The following PDE1C variants were observed in gnomAD, a reference collection of about 807,000 sequenced individuals.
PDE1C encodes the protein dual specificity calcium/calmodulin-dependent 3',5'-cyclic nucleotide phosphodiesterase 1C.
In PDE1C, 62 loss-of-function variants were observed where a neutral mutation model predicts 93.1. The ratio of observed to expected loss-of-function variants is 0.67; its 90% CI spans 0.54 to 0.82. PDE1C has a LOEUF of 0.82. Among genes scored for constraint, PDE1C ranks in the 40% least tolerant of loss-of-function variants. The pLI is 0.00. For synonymous variants in PDE1C, 325 were observed against 310.1 expected, an observed-to-expected ratio of 1.05 and a Z score of -0.50; for missense variants, 742 against 884.6, an observed-to-expected ratio of 0.84 and a Z score of 2.04.
At chr7:31,702,234 T>C in the PDE1C span, among the ~76,000 whole-genome samples, 2 of 151,636 alleles carry the variant, frequency 1.3e-5, no homozygotes, top group African/African-American at 2.4e-5. Context: ...TACCAATAGA[T>C]TGTTGTTCCC....
chr7:32,345,237 T>G (rs189604608), intron 1 of PDE1C, among the ~76,000 whole-genome samples: 1 of 152,196 alleles, frequency 6.6e-6, no homozygotes, highest in Admixed American at 6.5e-5. Context: ...GCAATGCCCA[T>G]GAGCCCCTTC....
intron 2 of PDE1C, among the ~76,000 whole-genome samples, chr7:32,181,616 A>G (rs1031754465): frequency 6.6e-6 from 1 of 152,150 alleles, no homozygotes; most frequent in African/African-American, 2.4e-5. Flanking sequence ...ACAAAGACAC[A>G]ACATACCAGA....
chr7:31,722,657 G>C, the PDE1C span, among the ~76,000 whole-genome samples: 1 of 152,192 alleles, frequency 6.6e-6, no homozygotes, highest in African/African-American at 2.4e-5. Context: ...GAGCTGACCA[G>C]GTGAAGAAGC....
At position 31,997,289 on chromosome 7, in the gene PDE1C, A is replaced by T. The variant is rs545497774; in HGVS notation, c.128+54265T>A. 4.9e-4 allele frequency among the ~76,000 whole-genome samples: 75 copies of T among 152,278 alleles called. 2 individuals carry two copies. The highest frequency in any genetic ancestry group is 4.8e-3 in the Admixed American group (74 of 15,292). ...ATGGTACACACCTCTCAAGGTTATCATGAGGATTAAATGAGATGGCACAGG... is the reference window on the plus strand; with the variant it reads ...ATGGTACACACCTCTCAAGGTTATCTTGAGGATTAAATGAGATGGCACAGG... On this transcript the variant is annotated intron_variant, in intron 2 of 17. Coordinates refer to ENST00000396191, the MANE Select transcript of PDE1C (RefSeq NM_001191057.4).
chr7:32,265,915 C>G (rs1810537741), intron 1 of PDE1C, among the ~76,000 whole-genome samples: 1 of 145,520 alleles, frequency 6.9e-6, no homozygotes, highest in African/African-American at 2.4e-5. Context: ...GAAGACCTCC[C>G]CTACAAGGTG....
At chr7:32,369,522 C>T (rs1020845819) in intron 1 of PDE1C, among the ~76,000 whole-genome samples, 1 of 152,102 alleles carries the variant, frequency 6.6e-6, no homozygotes, top group African/African-American at 2.4e-5. Flanking sequence ...AAAGGGAACT[C>T]TTATATACTG....
intron 1 of PDE1C, among the ~76,000 whole-genome samples, chr7:32,289,184 C>G (rs568794520): frequency 6.6e-6 from 1 of 152,268 alleles, no homozygotes; most frequent in East Asian, 1.9e-4. Context: ...GCAGAAGGAT[C>G]GCTTGAGCCC....
intron 1 of PDE1C, among the ~76,000 whole-genome samples, chr7:32,340,793 T>C (rs1783732686): frequency 6.6e-6 from 1 of 151,888 alleles, no homozygotes. Context: ...GAAAAGAAAA[T>C]ACAATGGAGA....
chr7:31,932,483 A>G (rs1804451818), intron 2 of PDE1C, among the ~76,000 whole-genome samples: 2 of 152,238 alleles, frequency 1.3e-5, no homozygotes, highest in African/African-American at 4.8e-5. Flanking sequence ...ATCAGTGGTC[A>G]TTAGAGAAAT....
At chr7:32,057,740 G>A (rs1298900280) in intron 1 of PDE1C, among the ~76,000 whole-genome samples, 1 of 152,188 alleles carries the variant, frequency 6.6e-6, no homozygotes, top group Non-Finnish European at 1.5e-5. Context: ...CAACAGTGAG[G>A]TGGGAGCAAG....
chr7:31,680,388 G>T, the PDE1C span, among the ~76,000 whole-genome samples: 1 of 152,198 alleles, frequency 6.6e-6, no homozygotes, highest in Admixed American at 6.5e-5. Flanking sequence ...ACTGGGGAAG[G>T]CATCAAGCCT....
chr7:31,721,867 C>A, the PDE1C span, among the ~76,000 whole-genome samples: 1 of 152,186 alleles, frequency 6.6e-6, no homozygotes, highest in Non-Finnish European at 1.5e-5. Flanking sequence ...GAATATCTAC[C>A]CTGTACCAGG....
At chr7:32,185,671 T>G (rs4723127) in intron 2 of PDE1C, among the ~76,000 whole-genome samples, 56,152 of 152,098 alleles carry the variant, frequency 0.37, 11,262 homozygotes, top group Admixed American at 0.43. Context: ...CATATTAATA[T>G]TTTTGAGTAT....
rs1342204777 is a variant in PDE1C, at chr7:32,128,405, AC to A, written c.308+41379del. On this transcript the variant is annotated intron_variant, in intron 3 of 18. Transcript: ENST00000396193. ...ACAACATAAAATTAAAAGTAAAAAAACATACAATGGGGAGATTGCAACATGT... is the reference window on the plus strand; with the variant it reads ...ACAACATAAAATTAAAAGTAAAAAAAATACAATGGGGAGATTGCAACATGT... Among the ~76,000 whole-genome samples the A allele has an allele frequency of 1.3e-4, 19 of 151,972 alleles. 1 individual carries two copies. Among genetic ancestry groups the A allele is most frequent in the East Asian group, 1.9e-4 (1 of 5,198 alleles).
intron 1 of PDE1C, among the ~76,000 whole-genome samples, chr7:32,378,072 A>G (rs1784463761): frequency 6.6e-6 from 1 of 152,194 alleles, no homozygotes; most frequent in South Asian, 2.1e-4. Flanking sequence ...ACTGAAAGGA[A>G]TTGGATTTCT....
intron 2 of PDE1C, among the ~76,000 whole-genome samples, chr7:32,199,174 A>C (rs1400110359): frequency 6.6e-6 from 1 of 151,968 alleles, no homozygotes; most frequent in Admixed American, 6.6e-5. Context: ...TCTCAGACAC[A>C]GTAGGTAACC....
chr7:32,126,949 A>G (rs781616132), intron 3 of PDE1C, among the ~76,000 whole-genome samples: 2 of 152,144 alleles, frequency 1.3e-5, no homozygotes, highest in Non-Finnish European at 2.9e-5. Context: ...TACTCTGAGT[A>G]TACGTGTGAG....
the PDE1C span, among the ~76,000 whole-genome samples, chr7:31,676,239 C>T: frequency 6.6e-6 from 1 of 152,084 alleles, no homozygotes. Flanking sequence ...CAGCACAGTC[C>T]TAAATCCTGG....
At chr7:32,299,240 C>T in exon 1 of PDE1C, 1 of 987,612 alleles carries the variant, frequency 1.0e-6, no homozygotes, top group Non-Finnish European at 1.2e-6. Flanking sequence ...TCTGGCAGAC[C>T]GGGGAGCTTC....
Sources: gnomAD v4.1 joint callset for allele counts (sites outside exome capture counted in the v4.1 genomes callset) on GRCh38, gnomAD v4.1.1 for gene constraint, MANE v1.5 for transcripts, NCBI Gene and HGNC (gene_info 2026-07-23, HGNC 2026-07-21) for gene names.